Variants in CSMD3 observed in about 807,000 individuals in gnomAD.
The protein encoded by CSMD3 is CUB and sushi domain-containing protein 3.
A neutral mutation model predicts 435.2 loss-of-function variants in CSMD3; 177 were observed. The ratio of observed to expected loss-of-function variants is 0.41; its 90% CI spans 0.36 to 0.46. CSMD3 has a LOEUF of 0.46. Among genes scored for constraint, CSMD3 ranks in the 20% least tolerant of loss-of-function variants. The pLI is 0.34. For synonymous variants in CSMD3, 1,656 were observed against 1,520.5 expected, an observed-to-expected ratio of 1.09 and a Z score of -2.07; for missense variants, 4,265 against 4,504.6, an observed-to-expected ratio of 0.95 and a Z score of 1.52.
At chr8:113,399,961 TA>T (rs911514735) in intron 1 of CSMD3, among the ~76,000 whole-genome samples, 17 of 151,594 alleles carry the variant, frequency 1.1e-4, no homozygotes, top group African/African-American at 3.1e-4. Flanking sequence ...TATATATATA[TA>T]TGTATACATA....
chr8:113,136,092 A>G (rs1329069636), intron 4 of CSMD3, among the ~76,000 whole-genome samples: 1 of 151,866 alleles, frequency 6.6e-6, no homozygotes, highest in Non-Finnish European at 1.5e-5. Context: ...TACGTATCAT[A>G]TAAGCACTGT....
At chr8:112,693,035 G>C (rs749587367) in intron 13 of CSMD3, among the ~76,000 whole-genome samples, 1 of 151,522 alleles carries the variant, frequency 6.6e-6, no homozygotes, top group Non-Finnish European at 1.5e-5. Flanking sequence ...GCACCCATTG[G>C]GGCTATTGAA....
rs1830808776 is a variant in CSMD3, at chr8:112,587,254, AT to A, written c.3716-20del. 1 of 1,584,090 alleles carries A rather than the reference AT, an allele frequency of 6.3e-7. No homozygotes were observed. The highest frequency in any genetic ancestry group is 1.3e-5 in the African/African-American group (1 of 74,394). On this transcript the variant is annotated intron_variant, in intron 22 of 70. Coordinates refer to ENST00000297405, the MANE Select transcript of CSMD3 (RefSeq NM_198123.2). ...CATTCAGCTGCAGGTAAAACAGAAT[AT>A]TGAAGTACAGTTTAATAGATAGCAG...
intron 12 of CSMD3, among the ~76,000 whole-genome samples, chr8:112,809,584 G>T (rs927656593): frequency 6.6e-6 from 1 of 152,064 alleles, no homozygotes; most frequent in African/African-American, 2.4e-5. Flanking sequence ...TTAAAAAAAT[G>T]TTATTTGTTA....
chr8:113,061,253 A>G (rs1424587084), intron 5 of CSMD3, among the ~76,000 whole-genome samples: 1 of 152,150 alleles, frequency 6.6e-6, no homozygotes, highest in Non-Finnish European at 1.5e-5. Flanking sequence ...CAGTCCCTGA[A>G]AATTGTAGCT....
intron 12 of CSMD3, among the ~76,000 whole-genome samples, chr8:112,809,343 T>C (rs1418071283): frequency 3.9e-5 from 6 of 152,146 alleles, no homozygotes; most frequent in African/African-American, 7.2e-5. Context: ...CTCTTGATGA[T>C]CCACATGGCT....
chr8:112,744,161 C>T (rs567816199), intron 13 of CSMD3, among the ~76,000 whole-genome samples: 17 of 152,106 alleles, frequency 1.1e-4, no homozygotes, highest in Non-Finnish European at 2.2e-4. Context: ...AACAATTTGT[C>T]CATACCACAG....
intron 10 of CSMD3, among the ~76,000 whole-genome samples, chr8:112,867,674 C>G (rs2081022190): frequency 6.6e-6 from 1 of 151,976 alleles, no homozygotes. Context: ...TGTATCTAAA[C>G]ATATCTAAAC....
intron 22 of CSMD3, among the ~76,000 whole-genome samples, chr8:112,613,488 TA>T (rs1833425623): frequency 6.6e-6 from 1 of 152,138 alleles, no homozygotes; most frequent in African/African-American, 2.4e-5. Flanking sequence ...AATAACTCAA[TA>T]AAAATAATAA....
intron 11 of CSMD3, among the ~76,000 whole-genome samples, chr8:112,854,058 G>C (rs1198166294): frequency 6.6e-6 from 1 of 151,770 alleles, no homozygotes; most frequent in East Asian, 1.9e-4. Flanking sequence ...TTTCTTTCTG[G>C]ATGAAAAAAG....
At chr8:113,280,793 G>T (rs1201530259) in intron 2 of CSMD3, among the ~76,000 whole-genome samples, 2 of 151,718 alleles carry the variant, frequency 1.3e-5, no homozygotes, top group Non-Finnish European at 2.9e-5. Flanking sequence ...AGGCACTTAT[G>T]GCTATGAACT....
chr8:113,075,754 T>C (rs1018536965), intron 5 of CSMD3, among the ~76,000 whole-genome samples: 2 of 151,822 alleles, frequency 1.3e-5, no homozygotes, highest in South Asian at 2.1e-4. Flanking sequence ...TTCAGACTGA[T>C]AAATGTTGAT....
At chr8:113,124,769 G>T (rs2091080363) in intron 4 of CSMD3, among the ~76,000 whole-genome samples, 1 of 151,924 alleles carries the variant, frequency 6.6e-6, no homozygotes, top group African/African-American at 2.4e-5. Flanking sequence ...ACTTTGTTGT[G>T]TAAAGAATCT....
intron 7 of CSMD3, among the ~76,000 whole-genome samples, chr8:112,969,167 T>C (rs73347950): frequency 1.3e-3 from 195 of 152,124 alleles, no homozygotes; most frequent in African/African-American, 4.5e-3. Flanking sequence ...ACTGGCAATT[T>C]AATGTGAATA....
intron 12 of CSMD3, among the ~76,000 whole-genome samples, chr8:112,816,786 A>T (rs1169036502): frequency 6.6e-6 from 1 of 151,918 alleles, no homozygotes; most frequent in Non-Finnish European, 1.5e-5. Context: ...AAAGCTAGTA[A>T]GAATATTATT....
At chr8:113,332,187 G>A (rs140873514) in intron 1 of CSMD3, among the ~76,000 whole-genome samples, 148 of 151,176 alleles carry the variant, frequency 9.8e-4, no homozygotes, top group African/African-American at 3.5e-3. Flanking sequence ...AAACGTGCAT[G>A]CCTTAATTAA....
At chr8:112,707,889 T>G (rs2076532771) in intron 13 of CSMD3, among the ~76,000 whole-genome samples, 1 of 152,128 alleles carries the variant, frequency 6.6e-6, no homozygotes, top group African/African-American at 2.4e-5. Flanking sequence ...AAAATAAATT[T>G]CAAAAGTCAG....
chr8:112,878,319 CTCA>C (rs2130159694), intron 10 of CSMD3, among the ~76,000 whole-genome samples: 1 of 152,226 alleles, frequency 6.6e-6, no homozygotes, highest in African/African-American at 2.4e-5. Context: ...TTGAAAAAAG[CTCA>C]TCATCACTTG....
intron 2 of CSMD3, chr8:113,314,242 T>C (rs1051357695): frequency 7.2e-6 from 2 of 276,348 alleles, no homozygotes; most frequent in East Asian, 9.2e-5. Flanking sequence ...TTATATAGTA[T>C]GTTTTACTTT....
Sources: allele counts gnomAD v4.1 joint callset (sites outside exome capture counted in the v4.1 genomes callset), GRCh38; gene constraint gnomAD v4.1.1; transcripts MANE v1.5; gene names NCBI Gene and HGNC (gene_info 2026-07-23, HGNC 2026-07-21).